KLHL1: variants seen among roughly 807,000 people sequenced by gnomAD.
The protein encoded by KLHL1 is kelch-like protein 1.
KLHL1 carries 47 observed loss-of-function variants against 77.7 expected under a neutral mutation model. The ratio of observed to expected loss-of-function variants is 0.60; its 90% CI spans 0.48 to 0.77. The LOEUF (loss-of-function observed/expected upper bound fraction) is 0.77, where lower values mean the gene tolerates loss of function less well. Among genes scored for constraint, KLHL1 ranks in the 30% least tolerant of loss-of-function variants. The probability of loss-of-function intolerance (pLI) is 0.00; values close to 1 mark genes in which losing one functional copy is unlikely to be tolerated. For missense variants in KLHL1, 925 were observed against 910.8 expected (o/e 1.02, Z -0.20); for synonymous variants, 360 against 325.2 (o/e 1.11, Z -1.15).
intron 1 of KLHL1, among the ~76,000 whole-genome samples, chr13:70,076,688 C>T (rs1313950596): frequency 1.3e-5 from 2 of 151,692 alleles, no homozygotes; most frequent in African/African-American, 4.8e-5. Context: ...GTAAAAGAAT[C>T]AGCAGAATGT....
At chr13:70,067,161 C>A (rs1012900222) in intron 1 of KLHL1, among the ~76,000 whole-genome samples, 1 of 152,010 alleles carries the variant, frequency 6.6e-6, no homozygotes, top group African/African-American at 2.4e-5. Context: ...TCAATGTCAA[C>A]CTAAAACACA....
At chr13:69,936,318 A>G (rs58864631) in intron 4 of KLHL1, among the ~76,000 whole-genome samples, 7,573 of 152,074 alleles carry the variant, frequency 0.05, 448 homozygotes, top group African/African-American at 0.14. Flanking sequence ...GCCTGGTGTG[A>G]TGGCTCATGC....
chr13:69,964,341 C>G (rs1257258960), intron 2 of KLHL1, among the ~76,000 whole-genome samples: 1 of 152,118 alleles, frequency 6.6e-6, no homozygotes, highest in Non-Finnish European at 1.5e-5. Flanking sequence ...TGCACCCAGA[C>G]CATCTTGTTT....
At chr13:69,964,624 T>C (rs971991470) in intron 2 of KLHL1, among the ~76,000 whole-genome samples, 1 of 152,098 alleles carries the variant, frequency 6.6e-6, no homozygotes, top group Non-Finnish European at 1.5e-5. Flanking sequence ...GCATATATGG[T>C]TCAACAACTG....
At chr13:69,790,052 G>A (rs1323176592) in intron 7 of KLHL1, among the ~76,000 whole-genome samples, 1 of 151,708 alleles carries the variant, frequency 6.6e-6, no homozygotes, top group Non-Finnish European at 1.5e-5. Context: ...TTCTCTTGGT[G>A]TTAGCCACTT....
chr13:69,776,451 T>C (rs1875832064), intron 7 of KLHL1, among the ~76,000 whole-genome samples: 1 of 152,232 alleles, frequency 6.6e-6, no homozygotes, highest in African/African-American at 2.4e-5. Context: ...TTCTCAGTTT[T>C]CTCATTTGTA....
At chr13:69,819,261 G>A (rs1878243988) in intron 6 of KLHL1, among the ~76,000 whole-genome samples, 1 of 152,120 alleles carries the variant, frequency 6.6e-6, no homozygotes, top group Non-Finnish European at 1.5e-5. Context: ...AATACAAAGA[G>A]ACAAATATCA....
At chr13:70,003,770 A>C (rs1390408927) in intron 1 of KLHL1, among the ~76,000 whole-genome samples, 12 of 151,824 alleles carry the variant, frequency 7.9e-5, no homozygotes, top group African/African-American at 2.9e-4. Context: ...GCATTTAACC[A>C]TTAACAAGTA....
intron 1 of KLHL1, among the ~76,000 whole-genome samples, chr13:70,083,882 T>C (rs1887454573): frequency 6.6e-6 from 1 of 152,098 alleles, no homozygotes; most frequent in South Asian, 2.1e-4. Context: ...TTTCAATTAA[T>C]ATAATATTAA....
Position 69,772,880 on chromosome 13 carries a change from C to T in KLHL1, c.1639+23858G>A, listed in dbSNP as rs184015105. Among the ~76,000 whole-genome samples the T allele has an allele frequency of 1.3e-3, 200 of 152,080 alleles. 2 individuals are homozygous for T. Among genetic ancestry groups the T allele is most frequent in the African/African-American group, 4.5e-3 (185 of 41,524 alleles). ...ATAACCTTCATTTGATAAATATAAA[C>T]AAAGCACTAGAGTGTTTGATTCAAG... is the stretch of plus-strand genomic sequence containing the variant. On this transcript the variant is annotated intron_variant, in intron 7 of 10. Coordinates refer to ENST00000377844, the MANE Select transcript of KLHL1 (RefSeq NM_020866.3).
chr13:70,057,205 C>A (rs540577538), intron 1 of KLHL1, among the ~76,000 whole-genome samples: 1 of 151,960 alleles, frequency 6.6e-6, no homozygotes, highest in African/African-American at 2.4e-5. Flanking sequence ...AATTTCTAGA[C>A]CCATACAACT....
At chr13:70,002,534 A>G (rs1885319656) in intron 1 of KLHL1, among the ~76,000 whole-genome samples, 2 of 151,590 alleles carry the variant, frequency 1.3e-5, no homozygotes, top group South Asian at 4.1e-4. Context: ...GGGGACAGAG[A>G]AAATATTTAA....
At chr13:69,836,926 A>C (rs1879014677) in intron 6 of KLHL1, among the ~76,000 whole-genome samples, 1 of 152,022 alleles carries the variant, frequency 6.6e-6, no homozygotes, top group Non-Finnish European at 1.5e-5. Context: ...GATTAAATAC[A>C]TAAAAAATTA....
chr13:69,832,748 T>C (rs1379165210), intron 6 of KLHL1, among the ~76,000 whole-genome samples: 1 of 151,958 alleles, frequency 6.6e-6, no homozygotes, highest in East Asian at 1.9e-4. Context: ...GGTACTGGTA[T>C]AAAAATAGGC....
At chr13:70,073,024 T>C (rs977876843) in intron 1 of KLHL1, among the ~76,000 whole-genome samples, 3 of 152,108 alleles carry the variant, frequency 2.0e-5, no homozygotes, top group Non-Finnish European at 4.4e-5. Context: ...GATCTAGAAC[T>C]AGAAATACCA....
In KLHL1 at chr13:69,840,706, G is replaced by A. The variant is rs567761540; in HGVS notation, c.1228-1544C>T. Among the ~76,000 whole-genome samples the A allele has an allele frequency of 6.5e-3, 809 of 125,072 alleles. 6 individuals are homozygous for A. The highest frequency in any genetic ancestry group is 0.021 in the African/African-American group (781 of 37,660). The allele number at this position is 125,072 out of a possible 152,430, so 82.1% of individuals were successfully genotyped here. A position where few individuals can be genotyped will look rare whatever the true frequency, so the allele number is the denominator to read the frequency against. ...ACTTTATATATATATATATATGTATGTATGTATGTATGTATGTATGTATGT... is the reference window on the plus strand; with the variant it reads ...ACTTTATATATATATATATATGTATATATGTATGTATGTATGTATGTATGT... On this transcript the variant is annotated intron_variant, in intron 5 of 10. Coordinates refer to ENST00000377844, the MANE Select transcript of KLHL1 (RefSeq NM_020866.3).
At chr13:69,859,891 A>G (rs1395613511) in intron 5 of KLHL1, among the ~76,000 whole-genome samples, 2 of 152,130 alleles carry the variant, frequency 1.3e-5, no homozygotes, top group Non-Finnish European at 2.9e-5. Context: ...TTGTAAGCGT[A>G]CAAAAGCAAG....
At chr13:69,716,538 T>C (rs1045686596) in intron 9 of KLHL1, among the ~76,000 whole-genome samples, 5 of 152,148 alleles carry the variant, frequency 3.3e-5, no homozygotes, top group Admixed American at 3.3e-4. Flanking sequence ...GAAGAATGAA[T>C]TAGAAGATGC....
At chr13:70,005,903 A>C (rs978471381) in intron 1 of KLHL1, among the ~76,000 whole-genome samples, 6 of 151,960 alleles carry the variant, frequency 3.9e-5, no homozygotes, top group African/African-American at 2.4e-5. Flanking sequence ...GCAAATTCTG[A>C]AGTGCTCATT....
Sources: allele counts gnomAD v4.1 joint callset (sites outside exome capture counted in the v4.1 genomes callset), GRCh38; gene constraint gnomAD v4.1.1; transcripts MANE v1.5; gene names NCBI Gene and HGNC (gene_info 2026-07-23, HGNC 2026-07-21).